The following NRG1 variants were observed in gnomAD, a reference collection of about 807,000 sequenced individuals.
NRG1 encodes neuregulin 1, also known as pro-neuregulin-1, membrane-bound isoform.
In NRG1, 18 loss-of-function variants were observed where a neutral mutation model predicts 63.8. The observed-to-expected ratio is 0.28, with a 90% CI of 0.19 to 0.42. The LOEUF (loss-of-function observed/expected upper bound fraction) is 0.42. NRG1 is among the 10% of genes least tolerant of loss of function. NRG1 has a pLI of 1.00. For missense variants in NRG1, 762 were observed against 814.7 expected (o/e 0.94, Z 0.79); for synonymous variants, 302 against 301.3 (o/e 1.00, Z -0.02).
intron 1 of NRG1, among the ~76,000 whole-genome samples, chr8:31,810,112 G>A (rs1322090805): frequency 6.6e-6 from 1 of 152,136 alleles, no homozygotes; most frequent in Non-Finnish European, 1.5e-5. Flanking sequence ...TACATCCAAT[G>A]TATGAACTTG....
At chr8:32,647,712 G>T in intron 5 of NRG1, 1 of 1,546,398 alleles carries the variant, frequency 6.5e-7, no homozygotes, top group South Asian at 1.2e-5. Flanking sequence ...TTCTGGAGGT[G>T]AGCCGATGGA....
intron 1 of NRG1, among the ~76,000 whole-genome samples, chr8:32,468,717 T>G (rs1178969660): frequency 9.9e-6 from 1 of 101,166 alleles, no homozygotes; most frequent in Admixed American, 1.1e-4. Context: ...CAATTTAACA[T>G]TACAGTTTTT....
At chr8:32,643,936 T>C (rs992935586) in intron 5 of NRG1, among the ~76,000 whole-genome samples, 1 of 152,164 alleles carries the variant, frequency 6.6e-6, no homozygotes, top group Non-Finnish European at 1.5e-5. Flanking sequence ...ATCAATAATA[T>C]AATCAAATGC....
Position 32,197,668 on chromosome 8 carries a change from C to T in NRG1, c.38-398160C>T, listed in dbSNP as rs748583643. Among the ~76,000 whole-genome samples, 16 of 152,244 alleles carry T rather than the reference C, an allele frequency of 1.1e-4. No individual in the cohort carries two copies. The South Asian group carries it at 1.2e-3, about 12-fold the overall frequency. ...GTACCTAGACTGTTGGCTTATTGTC[C>T]GACTTTAAGCCAGTCATTTCAGTTA... On this transcript the variant is annotated intron_variant, in intron 1 of 10. Transcript: ENST00000519301.
intron 5 of NRG1, among the ~76,000 whole-genome samples, chr8:32,701,388 G>A (rs1170692057): frequency 6.6e-6 from 1 of 152,006 alleles, no homozygotes; most frequent in African/African-American, 2.4e-5. Context: ...AAGAAATGAC[G>A]ACTTGCCAGT....
At chr8:31,927,262 G>A (rs764870655) in intron 1 of NRG1, among the ~76,000 whole-genome samples, 23 of 151,982 alleles carry the variant, frequency 1.5e-4, no homozygotes, top group Non-Finnish European at 3.1e-4. Context: ...GTTCCCAAAA[G>A]CCAGTCCACA....
intron 7 of NRG1, among the ~76,000 whole-genome samples, chr8:32,747,525 T>C (rs1159702474): frequency 2.0e-5 from 3 of 152,020 alleles, no homozygotes; most frequent in Non-Finnish European, 4.4e-5. Flanking sequence ...TTTATCTGGA[T>C]TTGAATAAAT....
At chr8:32,571,550 A>G (rs1299497127) in intron 1 of NRG1, among the ~76,000 whole-genome samples, 1 of 150,454 alleles carries the variant, frequency 6.6e-6, no homozygotes, top group Non-Finnish European at 1.5e-5. Context: ...CGAATTTTAG[A>G]TTCTTTTGCC....
intron 6 of NRG1, chr8:32,728,593 G>T (rs185497541): frequency 1.0e-6 from 1 of 983,780 alleles, no homozygotes; most frequent in African/African-American, 1.7e-5. Flanking sequence ...TTTTTTAAAC[G>T]GAGTTTAGTT....
intron 1 of NRG1, among the ~76,000 whole-genome samples, chr8:32,460,770 A>T (rs1387164504): frequency 6.6e-6 from 1 of 152,192 alleles, no homozygotes; most frequent in African/African-American, 2.4e-5. Flanking sequence ...TCCCTTCTTC[A>T]TCCGAATACA....
In NRG1 at chr8:32,196,943, C is replaced by CTTTTTTTTTTTTTTTTTTTTTTTTTT. The variant is rs773398472; in HGVS notation, c.38-398876_38-398851dup. Among the ~76,000 whole-genome samples, 12 of 27,438 alleles carry CTTTTTTTTTTTTTTTTTTTTTTTTTT rather than the reference C, an allele frequency of 4.4e-4. 4 individuals carry two copies. Among genetic ancestry groups the CTTTTTTTTTTTTTTTTTTTTTTTTTT allele is most frequent in the Non-Finnish European group, 4.3e-4 (6 of 13,910 alleles). 18.0% of individuals were successfully genotyped at this position (27,438 alleles called of 152,430 possible). A position where few individuals can be genotyped will look rare whatever the true frequency, so the allele number is the denominator to read the frequency against. ...CTACCAGGCCTGTTCTCAGAACATT[C>CTTTTTTTTTTTTTTTTTTTTTTTTTT]TTTTTTTTTTTTTTTTTTTTTTTTT... On this transcript the variant is annotated intron_variant, in intron 1 of 10. Transcript: ENST00000519301.
chr8:32,613,771 G>T (rs1421552340), intron 3 of NRG1, among the ~76,000 whole-genome samples: 1 of 152,000 alleles, frequency 6.6e-6, no homozygotes, highest in Non-Finnish European at 1.5e-5. Flanking sequence ...TTCCAAAAGT[G>T]TTAGATTCTG....
chr8:32,756,637 C>G, intron 9 of NRG1, 108 bp downstream of exon 9: 1 of 1,394,782 alleles, frequency 7.2e-7, no homozygotes, highest in Non-Finnish European at 9.5e-7. Context: ...CCATTAATCA[C>G]CATGGCTTCC....
intron 1 of NRG1, among the ~76,000 whole-genome samples, chr8:31,828,892 C>A (rs1036833276): frequency 5.9e-5 from 9 of 152,182 alleles, no homozygotes; most frequent in African/African-American, 2.2e-4. Context: ...TACTTACACA[C>A]TTATTATTCA....
chr8:32,188,020 T>C (rs888727652), intron 1 of NRG1, among the ~76,000 whole-genome samples: 1 of 152,174 alleles, frequency 6.6e-6, no homozygotes. Context: ...CTGGAGCATC[T>C]TAGCTGCAAG....
At chr8:32,360,888 G>C (rs1807115202) in intron 1 of NRG1, among the ~76,000 whole-genome samples, 1 of 152,156 alleles carries the variant, frequency 6.6e-6, no homozygotes, top group Non-Finnish European at 1.5e-5. Flanking sequence ...AAACTCATGA[G>C]GTTTTGACTG....
chr8:32,307,599 G>GTC (rs1856355027), intron 1 of NRG1, among the ~76,000 whole-genome samples: 1 of 149,796 alleles, frequency 6.7e-6, no homozygotes, highest in Admixed American at 6.6e-5. Flanking sequence ...TTGTGTGTGT[G>GTC]TGTGTGTGTG....
intron 1 of NRG1, among the ~76,000 whole-genome samples, chr8:32,175,025 CAAAT>C (rs1840544738): frequency 1.3e-5 from 2 of 152,106 alleles, no homozygotes; most frequent in African/African-American, 2.4e-5. Flanking sequence ...AGAGACATAA[CAAAT>C]AAAGAGAATT....
chr8:32,131,168 G>C (rs1350994351), intron 1 of NRG1, among the ~76,000 whole-genome samples: 1 of 151,928 alleles, frequency 6.6e-6, no homozygotes, highest in East Asian at 1.9e-4. Flanking sequence ...GACTTACTAA[G>C]TGTATTTGCT....
Sources: allele counts gnomAD v4.1 joint callset (sites outside exome capture counted in the v4.1 genomes callset), GRCh38; gene constraint gnomAD v4.1.1; transcripts MANE v1.5; gene names NCBI Gene and HGNC (gene_info 2026-07-23, HGNC 2026-07-21).